CHD9: variants seen among roughly 807,000 people sequenced by gnomAD.
The protein encoded by CHD9 is chromodomain helicase DNA binding protein 9, also known as ATP-dependent chromatin remodeler CHD9.
In CHD9, 77 loss-of-function variants were observed where a neutral mutation model predicts 316.1. The ratio of observed to expected loss-of-function variants is 0.24; its 90% CI spans 0.20 to 0.29. The LOEUF is 0.29. Ranked by LOEUF, CHD9 falls within the 10% of genes least tolerant of loss-of-function variation. CHD9 has a pLI of 1.00. For synonymous variants in CHD9, 1,129 were observed against 1,158.3 expected, an observed-to-expected ratio of 0.97 and a Z score of 0.51; for missense variants, 2,763 against 3,438.1, an observed-to-expected ratio of 0.80 and a Z score of 4.91.
chr16:53,270,124 A>G (rs1253237697), intron 22 of CHD9, among the ~76,000 whole-genome samples: 1 of 147,626 alleles, frequency 6.8e-6, no homozygotes, highest in Admixed American at 6.8e-5. Flanking sequence ...CCTCCCCTAT[A>G]GCTGGGAGTA....
At position 53,087,057 on chromosome 16, in the gene CHD9, A is replaced by G. The variant is rs377646743; in HGVS notation, c.-165+31980A>G. On this transcript the variant is annotated intron_variant, in intron 1 of 38. Coordinates refer to ENST00000447540, the MANE Select transcript of CHD9 (RefSeq NM_001308319.2). The stretch of plus-strand genomic sequence containing the variant: ...TATTACTACGAAACTGTCATCACTG[A>G]TAGTAGCTCAGGTTGTAAGCCCTGG... Among the ~76,000 whole-genome samples the G allele has an allele frequency of 1.6e-4, 24 of 152,244 alleles. No homozygotes were observed. In the South Asian group the frequency reaches 4.4e-3, roughly 28 times the overall value.
rs1375794621 is a variant in CHD9 at position 53,235,303 on chromosome 16, A to G, written c.2630A>G (p.Asn877Ser). The G allele has an allele frequency of 1.3e-6, 2 of 1,544,412 alleles. No individual in the cohort carries two copies. The highest frequency in any genetic ancestry group is 1.4e-5 in the African/African-American group (1 of 72,742). Residue 877 changes from asparagine to serine, a missense_variant, in exon 11 of 39, where the codon AAT becomes AGT. Physicochemically the swap from Asn to Ser is conservative, Grantham distance 46. Transcript: ENST00000447540. ...AACTGGCTCTTGTTCAATTGGTACAATAGGTATGTAGTATATCTTAATAAA... is the reference window on the plus strand; with the variant it reads ...AACTGGCTCTTGTTCAATTGGTACAGTAGGTATGTAGTATATCTTAATAAA... ...GLNWLLFNWY[N>S]RRNCILADEM...
intron 2 of CHD9, among the ~76,000 whole-genome samples, chr16:53,191,111 C>G (rs2152827483): frequency 6.6e-6 from 1 of 152,240 alleles, no homozygotes; most frequent in South Asian, 2.1e-4. Context: ...TTCCTCCCAT[C>G]CCTGGCCCCA....
At chr16:53,316,926 C>T (rs1567681720) in intron 36 of CHD9, among the ~76,000 whole-genome samples, 1 of 152,006 alleles carries the variant, frequency 6.6e-6, no homozygotes, top group Non-Finnish European at 1.5e-5. Context: ...TGGCCGGGTG[C>T]GGTAGCTCAC....
intron 2 of CHD9, among the ~76,000 whole-genome samples, chr16:53,200,370 C>CAAAA (rs60076527): frequency 2.3e-5 from 2 of 88,266 alleles, no homozygotes; most frequent in African/African-American, 4.6e-5. Context: ...TACTCTGTCT[C>CAAAA]AAAAAAAAAA....
intron 2 of CHD9, among the ~76,000 whole-genome samples, chr16:53,164,468 A>G (rs1404540898): frequency 6.6e-6 from 1 of 151,996 alleles, no homozygotes; most frequent in Non-Finnish European, 1.5e-5. Context: ...AGTCCTAGCT[A>G]CTTAGGAGGC....
chr16:53,203,956 G>A (rs1367374899), intron 2 of CHD9, among the ~76,000 whole-genome samples: 3 of 146,206 alleles, frequency 2.1e-5, no homozygotes, highest in African/African-American at 2.5e-5. Flanking sequence ...CCTGGGAGGC[G>A]GAGCTTGCAG....
At chr16:53,076,575 C>CA (rs1293667504) in intron 1 of CHD9, among the ~76,000 whole-genome samples, 319 of 144,706 alleles carry the variant, frequency 2.2e-3, no homozygotes, top group African/African-American at 7.2e-3. Context: ...AACTCCATGT[C>CA]AAAAAAAAAG....
chr16:53,157,220 T>C lies in CHD9; in HGVS notation c.1131T>C (p.His377=), dbSNP rs759457543. 6.2e-7 allele frequency: 1 copy of C among 1,602,734 alleles called. No homozygotes were observed. ...SGTQMGHFND[H]VETNGFSSLE... is the part of the protein sequence containing the mutation. ...CTCAAATGGGCCATTTCAATGATCA[T>C]GTAGAAACTAATGGCTTTTCATCTT... The change falls in exon 2 of 39, where the codon CAT becomes CAC. Residue 377 remains histidine (H), a synonymous_variant. Coordinates refer to ENST00000447540, the MANE Select transcript of CHD9 (RefSeq NM_001308319.2).
chr16:53,061,448 A>G lies in CHD9; in HGVS notation c.-165+6371A>G, dbSNP rs186307216. 9.9e-4 allele frequency among the ~76,000 whole-genome samples: 151 copies of G among 152,264 alleles called. 3 individuals carry two copies. Among genetic ancestry groups the G allele is most frequent in the Non-Finnish European group, 5.9e-5 (4 of 68,002 alleles). On this transcript the variant is annotated intron_variant, in intron 1 of 38. Coordinates refer to ENST00000447540, the MANE Select transcript of CHD9 (RefSeq NM_001308319.2). ...CTGTGTCATAGTTGTAGTTTCCCCCAAAGCAGATCACGAGAAAAGGATTCA... is the reference window on the plus strand; with the variant it reads ...CTGTGTCATAGTTGTAGTTTCCCCCGAAGCAGATCACGAGAAAAGGATTCA...
At chr16:53,060,767 G>A (rs113488666) in intron 1 of CHD9, among the ~76,000 whole-genome samples, 26 of 151,718 alleles carry the variant, frequency 1.7e-4, no homozygotes, top group African/African-American at 5.1e-4. Context: ...AAAAACAAAC[G>A]AAAATTAGCT....
At chr16:53,277,652 A>G (rs996072238) in intron 24 of CHD9, among the ~76,000 whole-genome samples, 7 of 152,244 alleles carry the variant, frequency 4.6e-5, no homozygotes, top group Middle Eastern at 3.4e-3. Flanking sequence ...CAGCCAACAT[A>G]ATACTGGATT....
intron 19 of CHD9, among the ~76,000 whole-genome samples, chr16:53,260,356 G>C (rs1016103363): frequency 3.9e-5 from 6 of 152,138 alleles, no homozygotes; most frequent in African/African-American, 1.4e-4. Context: ...GCATATGCTT[G>C]TTGTCCCAGC....
chr16:53,203,837 C>CA (rs1377640347), intron 2 of CHD9, among the ~76,000 whole-genome samples: 2 of 151,568 alleles, frequency 1.3e-5, no homozygotes, highest in South Asian at 2.1e-4. Flanking sequence ...TCCTGGCTAA[C>CA]ATGGTGAAAC....
At chr16:53,221,750 A>G (rs1175030880) in intron 3 of CHD9, among the ~76,000 whole-genome samples, 1 of 152,232 alleles carries the variant, frequency 6.6e-6, no homozygotes, top group African/African-American at 2.4e-5. Flanking sequence ...CATACAGTAC[A>G]GATAAGATAA....
intron 1 of CHD9, among the ~76,000 whole-genome samples, chr16:53,070,551 CTCTT>C (rs1389330114): frequency 4.9e-5 from 7 of 142,898 alleles, no homozygotes; most frequent in Admixed American, 2.8e-4. Flanking sequence ...CTCTCTCTCT[CTCTT>C]TCTTTCTGTC....
intron 1 of CHD9, among the ~76,000 whole-genome samples, chr16:53,110,221 C>T (rs1224920277): frequency 6.6e-6 from 1 of 152,090 alleles, no homozygotes; most frequent in Admixed American, 6.6e-5. Context: ...GAGAACTGAA[C>T]TTACAGGAAC....
intron 12 of CHD9, among the ~76,000 whole-genome samples, chr16:53,239,400 C>T (rs1303060035): frequency 4.0e-5 from 6 of 151,806 alleles, no homozygotes; most frequent in East Asian, 3.9e-4. Context: ...GTCTGGGCAA[C>T]ATAGCAAGAC....
chr16:53,091,010 C>T (rs561932120), intron 1 of CHD9, among the ~76,000 whole-genome samples: 26 of 146,674 alleles, frequency 1.8e-4, no homozygotes, highest in African/African-American at 6.1e-4. Flanking sequence ...CACCCCCCCC[C>T]GACTGACCGC....
Sources: gnomAD v4.1 joint callset for allele counts (sites outside exome capture counted in the v4.1 genomes callset) on GRCh38, gnomAD v4.1.1 for gene constraint, MANE v1.5 for transcripts, NCBI Gene and HGNC (gene_info 2026-07-23, HGNC 2026-07-21) for gene names.